The following MYC variants were observed in gnomAD, a reference collection of about 807,000 sequenced individuals.
The protein encoded by MYC is myc proto-oncogene protein.
A neutral mutation model predicts 30.5 loss-of-function variants in MYC; 1 was observed. That is an observed-to-expected ratio of 0.03 (90% CI 0.01 to 0.16). MYC has a LOEUF of 0.16. MYC is among the 10% of genes least tolerant of loss of function. The pLI, the probability that MYC is intolerant of heterozygous loss-of-function variation, is 1.00. For missense variants in MYC, 508 were observed against 589.0 expected (o/e 0.86, Z 1.42); for synonymous variants, 267 against 250.7 (o/e 1.07, Z -0.62).
intron 1 of MYC, among the ~76,000 whole-genome samples, chr8:127,736,880 G>C (rs1344647271): frequency 6.6e-6 from 1 of 152,176 alleles, no homozygotes; most frequent in East Asian, 1.9e-4. Context: ...CGAGATTTCT[G>C]CCTTATGAAT....
chr8:127,740,191 G>A (rs752270721), intron 2 of MYC, among the ~76,000 whole-genome samples: 2 of 152,050 alleles, frequency 1.3e-5, no homozygotes, highest in African/African-American at 2.4e-5. Flanking sequence ...CTGACCTCAC[G>A]ATCCGCCCAC....
chr8:127,738,061 G>C lies in MYC; in HGVS notation c.31-187G>C, dbSNP rs965672675. The stretch of plus-strand genomic sequence containing the variant: ...CTAAGTGCGTCTCCGAGATAGCAGG[G>C]GACTGTCCAAAGGGGGTGAAAGGGT... On this transcript the variant is annotated intron_variant, in intron 1 of 2. Transcript: ENST00000621592. This position sits in a 1 kb window ranked among gnomAD's most constrained non-coding sequence, Gnocchi z 7.6. Among the ~76,000 whole-genome samples the C allele has an allele frequency of 5.3e-5, 8 of 152,152 alleles. No individual in the cohort carries two copies. Among genetic ancestry groups the C allele is most frequent in the Non-Finnish European group, 1.2e-4 (8 of 68,026 alleles).
Position 127,738,903 on chromosome 8 carries a change from G to C in MYC, c.686G>C (p.Ser229Thr), listed in dbSNP as rs775427980. ...AAGTCCTGCGCCTCGCAAGACTCCAGCGCCTTCTCTCCGTCCTCGGATTCT... is the reference window on the plus strand; with the variant it reads ...AAGTCCTGCGCCTCGCAAGACTCCACCGCCTTCTCTCCGTCCTCGGATTCT... The change falls in exon 2 of 3, where the codon AGC becomes ACC. Residue 229 changes from serine to threonine, a missense_variant. Ser to Thr is a moderately conservative substitution (Grantham distance 58). Around this residue, in one of 5 missense-constraint regions of MYC, gnomAD observed 364 missense variants for 381.1 expected, o/e 0.96. Coordinates refer to ENST00000621592, the MANE Select transcript of MYC (RefSeq NM_002467.6). The surrounding 1 kb of genome is among the most constrained non-coding windows in gnomAD (Gnocchi z 7.6). 5 of 1,611,210 alleles carry C rather than the reference G, an allele frequency of 3.1e-6. No homozygotes were observed. The South Asian group carries it at 5.5e-5, about 18-fold the overall frequency.
At chr8:127,735,858 A>T (rs978322984), upstream of MYC, 5 of 398,576 alleles carry the variant, frequency 1.3e-5, no homozygotes, top group Non-Finnish European at 1.8e-5. Flanking sequence ...TAGTTAATTC[A>T]TGCGGCTCTC....
rs1043940792 is a variant in MYC, at chr8:127,742,573, A to G, written c.*1615A>G. Among the ~76,000 whole-genome samples, 1 of 152,118 alleles carries G rather than the reference A, an allele frequency of 6.6e-6. No individual in the cohort carries two copies. Among genetic ancestry groups the G allele is most frequent in the South Asian group, 2.1e-4 (1 of 4,832 alleles). On this transcript the variant is annotated 3_prime_UTR_variant, in exon 3 of 3. Coordinates refer to ENST00000621592, the MANE Select transcript of MYC (RefSeq NM_002467.6). ...CACCATCTTGACTCCTACCTTAGCC[A>G]TTTGTTGAATCAGACTCATGACGGC...
chr8:127,738,200 G>A lies in MYC; in HGVS notation c.31-48G>A, dbSNP rs2130091710. On this transcript the variant is annotated intron_variant, in intron 1 of 2. Transcript: ENST00000621592. This position sits in a 1 kb window ranked among gnomAD's most constrained non-coding sequence, Gnocchi z 7.6. ...GCGCTGCGCCAGGTTTCCGCACCAA[G>A]ACCCCTTTAACTCAAGACTGCCTCC... 1 of 1,525,778 alleles carries A rather than the reference G, an allele frequency of 6.6e-7. No homozygotes were observed. 94.5% of individuals were successfully genotyped at this position (1,525,778 alleles called of 1,614,324 possible). A position where few individuals can be genotyped will look rare whatever the true frequency, so the allele number is the denominator to read the frequency against.
rs1010887246 is a variant in MYC at position 127,738,598 on chromosome 8, C to A, written c.381C>A (p.Asn127Lys). ...AGCTGCTGGGAGGAGACATGGTGAA[C>A]CAGAGTTTCATCTGCGACCCGGACG... Residue 127 changes from asparagine to lysine, a missense_variant, in exon 2 of 3, where the codon AAC (asparagine) becomes AAA (lysine). By Grantham distance (94) the Asn-to-Lys change is moderately conservative. Around this residue, in one of 5 missense-constraint regions of MYC, gnomAD observed 364 missense variants for 381.1 expected, o/e 0.96. Transcript: ENST00000621592. This position sits in a 1 kb window ranked among gnomAD's most constrained non-coding sequence, Gnocchi z 7.6. 1.2e-6 allele frequency: 2 copies of A among 1,613,220 alleles called. No individual in the cohort carries two copies. Among genetic ancestry groups the A allele is most frequent in the Admixed American group, 3.3e-5 (2 of 59,946 alleles).
At chr8:127,739,657 T>A (rs1243722179) in intron 2 of MYC, among the ~76,000 whole-genome samples, 6 of 66,556 alleles carry the variant, frequency 9.0e-5, no homozygotes, top group Admixed American at 5.7e-4. Context: ...AAAACTGCAA[T>A]TTTTTTTTTT....
chr8:127,739,208 C>A (rs1813665438), intron 2 of MYC, among the ~76,000 whole-genome samples, 189 bp downstream of exon 2: 1 of 152,194 alleles, frequency 6.6e-6, no homozygotes, highest in African/African-American at 2.4e-5. Context: ...CTTAGACTGC[C>A]CATGTTTGCA....
chr8:127,742,341 T>C lies in MYC; in HGVS notation c.*1383T>C, dbSNP rs1295318461. On this transcript the variant is annotated 3_prime_UTR_variant, in exon 3 of 3. Transcript: ENST00000621592. ...GGAAGCGAGATTTGAACCCAGGCTGTTTACTCCTAACCTGTCCAAGCCACC... is the reference window on the plus strand; with the variant it reads ...GGAAGCGAGATTTGAACCCAGGCTGCTTACTCCTAACCTGTCCAAGCCACC... 6.6e-6 allele frequency among the ~76,000 whole-genome samples: 1 copy of C among 152,208 alleles called. No homozygotes were observed. Among genetic ancestry groups the C allele is most frequent in the East Asian group, 1.9e-4 (1 of 5,202 alleles).
rs1019578422 is a variant in MYC at position 127,741,378 on chromosome 8, T to C, written c.*420T>C. On this transcript the variant is annotated 3_prime_UTR_variant, in exon 3 of 3. Coordinates refer to ENST00000621592, the MANE Select transcript of MYC (RefSeq NM_002467.6). ...TTGCTTTTTAAAGTTGATTTTTTTC[T>C]ATTGTTTTTAGAAAAAATAAAATAA... 4 of 229,598 alleles carry C rather than the reference T, an allele frequency of 1.7e-5. No individual in the cohort carries two copies. Among genetic ancestry groups the C allele is most frequent in the African/African-American group, 8.8e-5 (4 of 45,230 alleles). 14.2% of individuals were successfully genotyped at this position (229,598 alleles called of 1,614,324 possible). A position where few individuals can be genotyped will look rare whatever the true frequency, so the allele number is the denominator to read the frequency against.
At chr8:127,735,808 G>A (rs916472304), upstream of MYC, 4 of 399,106 alleles carry the variant, frequency 1.0e-5, no homozygotes, top group Non-Finnish European at 1.8e-5. Flanking sequence ...GAGAAAGGGA[G>A]AGGGTTTGAG....
rs770713291 is a variant in MYC at position 127,738,767 on chromosome 8, A to G, written c.550A>G (p.Ser184Gly). The change falls in exon 2 of 3, where the codon AGC becomes GGC. Residue 184 changes from serine to glycine, a missense_variant. Transcript: ENST00000621592. This position sits in a 1 kb window ranked among gnomAD's most constrained non-coding sequence, Gnocchi z 7.6. ...CAGCCCGAACCCCGCCCGCGGCCAC[A>G]GCGTCTGCTCCACCTCCAGCTTGTA... The G allele has an allele frequency of 1.9e-6, 3 of 1,610,970 alleles. No individual in the cohort carries two copies. The African/African-American group carries it at 4.0e-5, about 22-fold the overall frequency.
At position 127,741,261 on chromosome 8, in the gene MYC, G is replaced by A. The variant is rs552525496; in HGVS notation, c.*303G>A. On this transcript the variant is annotated 3_prime_UTR_variant, in exon 3 of 3. Coordinates refer to ENST00000621592, the MANE Select transcript of MYC (RefSeq NM_002467.6). ...TAAATGTAAATAACTTTAATAAAAC[G>A]TTTATAGCAGTTACACAGAATTTCA... 3 of 285,620 alleles carry A rather than the reference G, an allele frequency of 1.1e-5. No homozygotes were observed. Among genetic ancestry groups the A allele is most frequent in the Non-Finnish European group, 2.0e-5 (3 of 152,556 alleles). The allele number at this position is 285,620 out of a possible 1,614,324, so 17.7% of individuals were successfully genotyped here. A position where few individuals can be genotyped will look rare whatever the true frequency, so the allele number is the denominator to read the frequency against.
rs372210680 is a variant in MYC, at chr8:127,740,495, G to A, written c.902G>A (p.Gly301Asp). The stretch of plus-strand genomic sequence containing the variant: ...GAGTCTGGATCACCTTCTGCTGGAG[G>A]CCACAGCAAACCTCCTCACAGCCCA... The change falls in exon 3 of 3, where the codon GGC (glycine) becomes GAC (aspartate). Residue 301 changes from glycine to aspartate, a missense_variant. Around this residue, in one of 5 missense-constraint regions of MYC, gnomAD observed 364 missense variants for 381.1 expected, o/e 0.96. Transcript: ENST00000621592. The A allele has an allele frequency of 2.3e-4, 375 of 1,613,952 alleles. 1 individual carries two copies. Among genetic ancestry groups the A allele is most frequent in the Non-Finnish European group, 3.0e-4 (359 of 1,180,010 alleles).
chr8:127,737,106 C>T (rs1045238275), intron 1 of MYC, among the ~76,000 whole-genome samples: 1 of 152,280 alleles, frequency 6.6e-6, no homozygotes, highest in Non-Finnish European at 1.5e-5. Context: ...AATTTCGGCT[C>T]ACCGCATTTC....
At chr8:127,739,286 C>G (rs1813667322) in intron 2 of MYC, among the ~76,000 whole-genome samples, 1 of 152,168 alleles carries the variant, frequency 6.6e-6, no homozygotes, top group Non-Finnish European at 1.5e-5. Flanking sequence ...TCTGGCTTAT[C>G]TTACAACTCA....
In MYC at chr8:127,736,249, C is replaced by A; in HGVS notation, c.-345C>A. On this transcript the variant is annotated 5_prime_UTR_variant, in exon 1 of 3. Transcript: ENST00000621592. The stretch of plus-strand genomic sequence containing the variant: ...TTTATCTAACTCGCTGTAGTAATTC[C>A]AGCGAGAGGCAGAGGGAGCGAGCGG... 3.8e-6 allele frequency: 2 copies of A among 530,850 alleles called. No individual in the cohort carries two copies. Among genetic ancestry groups the A allele is most frequent in the South Asian group, 6.0e-5 (2 of 33,264 alleles). 32.9% of individuals were successfully genotyped at this position (530,850 alleles called of 1,614,324 possible).
At chr8:127,740,336 G>T in intron 2 of MYC, 60 bp from the exon 3 acceptor site, 1 of 1,493,980 alleles carries the variant, frequency 6.7e-7, no homozygotes, top group South Asian at 1.3e-5. Context: ...CATTAATCTG[G>T]TAATTGATTA....
Sources: allele counts gnomAD v4.1 joint callset (sites outside exome capture counted in the v4.1 genomes callset), GRCh38; gene constraint gnomAD v4.1.1; regional missense constraint gnomAD v4.1.1; non-coding constraint Gnocchi (gnomAD v3.1); transcripts MANE v1.5; gene names NCBI Gene and HGNC (gene_info 2026-07-23, HGNC 2026-07-21).